Variants in MCTP1 observed in about 807,000 individuals in gnomAD.
The protein encoded by MCTP1 is multiple C2 and transmembrane domain containing 1, also known as multiple C2 and transmembrane domain-containing protein 1.
Under a neutral mutation model 120.6 loss-of-function variants are expected in MCTP1, and 69 were observed. The ratio of observed to expected loss-of-function variants is 0.57; its 90% CI spans 0.47 to 0.70. The LOEUF (loss-of-function observed/expected upper bound fraction) is 0.70. MCTP1 is among the 30% of genes least tolerant of loss of function. The pLI is 0.00. For missense variants in MCTP1, 1,203 were observed against 1,248.8 expected (o/e 0.96, Z 0.55); for synonymous variants, 529 against 493.1 (o/e 1.07, Z -0.96).
Position 95,035,551 on chromosome 5 carries a change from A to T in MCTP1, c.721-18067T>A, listed in dbSNP as rs568756242. Among the ~76,000 whole-genome samples the T allele has an allele frequency of 2.0e-5, 3 of 152,136 alleles. No individual in the cohort carries two copies. In the South Asian group the frequency reaches 6.2e-4, roughly 32 times the overall value. Reference sequence around the variant, plus strand: ...ATGGTCATATAGGTGGGAACAACAGACAACAGGAACTCCAAAAATATGTAG... The same window carrying T: ...ATGGTCATATAGGTGGGAACAACAGTCAACAGGAACTCCAAAAATATGTAG... On this transcript the variant is annotated intron_variant, in intron 1 of 22. Coordinates refer to ENST00000515393, the MANE Select transcript of MCTP1 (RefSeq NM_024717.7).
Position 95,040,242 on chromosome 5 carries a change from C to G in MCTP1, c.721-22758G>C, listed in dbSNP as rs150291105. On this transcript the variant is annotated intron_variant, in intron 1 of 22. Coordinates refer to ENST00000515393, the MANE Select transcript of MCTP1 (RefSeq NM_024717.7). ...CCTGAGGTCAGGAGTTTGAGACAAGCCTGGCCAACATGGTGAAACCCTGTC... is the reference window on the plus strand; with the variant it reads ...CCTGAGGTCAGGAGTTTGAGACAAGGCTGGCCAACATGGTGAAACCCTGTC... Among the ~76,000 whole-genome samples the G allele has an allele frequency of 7.3e-3, 1,112 of 152,084 alleles. 20 individuals carry two copies. Among genetic ancestry groups the G allele is most frequent in the African/African-American group, 0.026 (1,076 of 41,500 alleles).
At chr5:94,949,043 G>T (rs1184020185) in intron 3 of MCTP1, among the ~76,000 whole-genome samples, 1 of 152,034 alleles carries the variant, frequency 6.6e-6, no homozygotes, top group Non-Finnish European at 1.5e-5. Flanking sequence ...CAGTCATGTG[G>T]TCCCATACAA....
chr5:95,178,040 G>A (rs1436894901), intron 1 of MCTP1, among the ~76,000 whole-genome samples: 1 of 152,158 alleles, frequency 6.6e-6, no homozygotes, highest in Non-Finnish European at 1.5e-5. Context: ...TGGACTGCAG[G>A]CTATGTGGGA....
intron 1 of MCTP1, among the ~76,000 whole-genome samples, chr5:95,077,663 A>G (rs1006239613): frequency 1.3e-5 from 2 of 152,038 alleles, no homozygotes; most frequent in Admixed American, 6.6e-5. Flanking sequence ...TAGTAGAGAC[A>G]GGTTTTCACT....
intron 1 of MCTP1, among the ~76,000 whole-genome samples, chr5:95,047,894 C>T (rs1319029469): frequency 6.6e-6 from 1 of 152,132 alleles, no homozygotes; most frequent in Non-Finnish European, 1.5e-5. Flanking sequence ...TAAGAGGTGG[C>T]TCCTACCCAC....
At chr5:94,940,261 A>G (rs1196434735) in intron 4 of MCTP1, 66 bp from the exon 5 acceptor site, 2 of 847,266 alleles carry the variant, frequency 2.4e-6, no homozygotes, top group Non-Finnish European at 3.6e-6. Flanking sequence ...ATTTTTATTA[A>G]TGCTTTATTA....
intron 17 of MCTP1, among the ~76,000 whole-genome samples, chr5:94,812,682 A>G (rs1266998992): frequency 1.3e-5 from 2 of 151,890 alleles, no homozygotes; most frequent in Non-Finnish European, 2.9e-5. Context: ...GTGATCGCTT[A>G]GCCCAGGAGT....
intron 2 of MCTP1, among the ~76,000 whole-genome samples, chr5:94,992,292 G>T (rs1286149576): frequency 2.6e-5 from 4 of 151,632 alleles, no homozygotes; most frequent in Non-Finnish European, 5.9e-5. Flanking sequence ...ATAATGTTGA[G>T]GATGATGATG....
chr5:94,798,516 T>C (rs917785715), intron 18 of MCTP1, among the ~76,000 whole-genome samples: 1 of 152,162 alleles, frequency 6.6e-6, no homozygotes, highest in Admixed American at 6.6e-5. Context: ...GAAGGATATT[T>C]ACTGTTGTCC....
chr5:95,185,846 C>T (rs189109582), intron 1 of MCTP1, among the ~76,000 whole-genome samples: 6 of 152,052 alleles, frequency 3.9e-5, no homozygotes, highest in East Asian at 1.9e-4. Context: ...AAAAATAAGC[C>T]GGACATGGTG....
intron 19 of MCTP1, among the ~76,000 whole-genome samples, chr5:94,751,731 C>A (rs528132252): frequency 1.3e-5 from 2 of 152,064 alleles, no homozygotes; most frequent in South Asian, 2.1e-4. Context: ...TCCTTGATTG[C>A]GCACAATGCT....
Position 95,069,798 on chromosome 5 carries a change from A to G in MCTP1, c.721-52314T>C, listed in dbSNP as rs531040281. On this transcript the variant is annotated intron_variant, in intron 1 of 22. Coordinates refer to ENST00000515393, the MANE Select transcript of MCTP1 (RefSeq NM_024717.7). ...ACTGCAAGCTCTGCCTCCCGGGTTCAAGCTATTCTCCTGCCTCAGCCTCCT... is the reference window on the plus strand; with the variant it reads ...ACTGCAAGCTCTGCCTCCCGGGTTCGAGCTATTCTCCTGCCTCAGCCTCCT... Among the ~76,000 whole-genome samples the G allele has an allele frequency of 2.3e-3, 353 of 150,846 alleles. 3 individuals are homozygous for G. Among genetic ancestry groups the G allele is most frequent in the Middle Eastern group, 0.014 (4 of 294 alleles).
intron 19 of MCTP1, among the ~76,000 whole-genome samples, chr5:94,731,980 C>T (rs144564560): frequency 2.3e-3 from 357 of 152,236 alleles, no homozygotes; most frequent in African/African-American, 8.4e-3. Context: ...AATGTAAAAT[C>T]AGTGATACCA....
intron 2 of MCTP1, among the ~76,000 whole-genome samples, chr5:94,992,472 G>A (rs1169621631): frequency 3.3e-5 from 5 of 152,138 alleles, no homozygotes; most frequent in Admixed American, 6.6e-5. Flanking sequence ...TCTGACACCA[G>A]ACCTGTGCTG....
At chr5:95,259,459 T>C (rs879117959) in intron 1 of MCTP1, among the ~76,000 whole-genome samples, 5 of 152,196 alleles carry the variant, frequency 3.3e-5, no homozygotes, top group Non-Finnish European at 7.4e-5. Flanking sequence ...AGGCCTTAAA[T>C]GGCTCCTCTA....
intron 19 of MCTP1, among the ~76,000 whole-genome samples, chr5:94,751,166 A>G (rs1193268742): frequency 6.6e-6 from 1 of 152,318 alleles, no homozygotes; most frequent in Non-Finnish European, 1.5e-5. Flanking sequence ...TGACAGAGTG[A>G]TAAGTCAGTA....
chr5:94,733,824 C>T (rs1388767964), intron 19 of MCTP1, among the ~76,000 whole-genome samples: 1 of 151,760 alleles, frequency 6.6e-6, no homozygotes, highest in Non-Finnish European at 1.5e-5. Flanking sequence ...ATTAGCCGGG[C>T]GTGGTGGCGG....
chr5:94,958,136 A>G (rs1421320721), intron 2 of MCTP1, among the ~76,000 whole-genome samples: 1 of 152,230 alleles, frequency 6.6e-6, no homozygotes, highest in Non-Finnish European at 1.5e-5. Flanking sequence ...GCACAACTAC[A>G]TGAAAACTGA....
At chr5:95,152,866 G>A (rs1340407137) in intron 1 of MCTP1, among the ~76,000 whole-genome samples, 2 of 152,020 alleles carry the variant, frequency 1.3e-5, no homozygotes, top group African/African-American at 2.4e-5. Context: ...TTCCCCAGGG[G>A]CTCTCACTCT....
Sources: gnomAD v4.1 joint callset for allele counts (sites outside exome capture counted in the v4.1 genomes callset) on GRCh38, gnomAD v4.1.1 for gene constraint, MANE v1.5 for transcripts, NCBI Gene and HGNC (gene_info 2026-07-23, HGNC 2026-07-21) for gene names.